Variants in CPXM2 observed in about 807,000 individuals in gnomAD.
CPXM2 encodes the protein inactive carboxypeptidase-like protein X2.
CPXM2 carries 66 observed loss-of-function variants against 86.1 expected under a neutral mutation model. The ratio of observed to expected loss-of-function variants is 0.77; its 90% confidence interval spans 0.63 to 0.94. The LOEUF (loss-of-function observed/expected upper bound fraction) is 0.94. CPXM2 is among the 40% of genes least tolerant of loss of function. The pLI is 0.00. For synonymous variants in CPXM2, 388 were observed against 400.2 expected (o/e 0.97, Z 0.36); for missense variants, 948 against 1,026.3 (o/e 0.92, Z 1.04).
chr10:123,787,374 C>G (rs1320784296), intron 6 of CPXM2, among the ~76,000 whole-genome samples: 2 of 152,150 alleles, frequency 1.3e-5, no homozygotes, highest in East Asian at 3.9e-4. Flanking sequence ...CAAGTGCCTG[C>G]TCACTACATG....
intron 1 of CPXM2, among the ~76,000 whole-genome samples, chr10:123,890,522 G>T (rs1261075263): frequency 1.3e-5 from 2 of 152,256 alleles, no homozygotes; most frequent in Non-Finnish European, 2.9e-5. Context: ...CGAGGCCAGA[G>T]AATTTGGCCA....
intron 2 of CPXM2, among the ~76,000 whole-genome samples, chr10:123,936,815 C>T (rs972990268): frequency 1.3e-5 from 2 of 152,186 alleles, no homozygotes; most frequent in African/African-American, 4.8e-5. Flanking sequence ...TGGCCTGCAC[C>T]CTCCTGCCTT....
In CPXM2 at chr10:123,794,295, T is replaced by A. The variant is rs544557394; in HGVS notation, c.889+3681A>T. Among the ~76,000 whole-genome samples the A allele has an allele frequency of 2.3e-4, 35 of 152,160 alleles. 1 individual carries two copies. Among genetic ancestry groups the A allele is most frequent in the Middle Eastern group, 3.4e-3 (1 of 294 alleles). ...AGACGAGGTGGAAAGAGTGACAACT[T>A]CCCCCAAAGACATCAAAGCCCCACA... is the stretch of plus-strand genomic sequence containing the variant. On this transcript the variant is annotated intron_variant, in intron 6 of 13. Transcript: ENST00000241305.
intron 6 of CPXM2, among the ~76,000 whole-genome samples, chr10:123,791,574 T>C (rs995211109): frequency 6.6e-6 from 1 of 152,230 alleles, no homozygotes; most frequent in Non-Finnish European, 1.5e-5. Flanking sequence ...CGACGTCACA[T>C]GGCATTCTCC....
chr10:123,924,722 G>C (rs1324035086), intron 2 of CPXM2, among the ~76,000 whole-genome samples: 1 of 152,100 alleles, frequency 6.6e-6, no homozygotes, highest in African/African-American at 2.4e-5. Context: ...AAAGTTCCAA[G>C]CCTCTAGTCC....
intron 6 of CPXM2, among the ~76,000 whole-genome samples, chr10:123,783,951 T>A (rs1846993276): frequency 6.6e-6 from 1 of 152,196 alleles, no homozygotes; most frequent in Non-Finnish European, 1.5e-5. Flanking sequence ...CCAACCTTAC[T>A]TCCTTATTAA....
Position 123,763,981 on chromosome 10 carries a change from C to G in CPXM2, c.1480-1812G>C, listed in dbSNP as rs146082152. 6.6e-5 allele frequency among the ~76,000 whole-genome samples: 10 copies of G among 152,314 alleles called. No homozygotes were observed. The East Asian group carries it at 1.5e-3, about 23-fold the overall frequency. On this transcript the variant is annotated intron_variant, in intron 10 of 13. Transcript: ENST00000241305. ...CTACTGTCCCATATTCCCTCCCACA[C>G]TGGGGGCTTTTTACTTTTGCCAAAC...
intron 2 of CPXM2, among the ~76,000 whole-genome samples, chr10:123,930,365 G>A (rs1161243268): frequency 6.6e-6 from 1 of 152,248 alleles, no homozygotes; most frequent in Non-Finnish European, 1.5e-5. Context: ...AAAACATACT[G>A]GGGTGTGCTG....
At chr10:123,805,213 A>G (rs1847553516) in intron 4 of CPXM2, among the ~76,000 whole-genome samples, 1 of 151,906 alleles carries the variant, frequency 6.6e-6, no homozygotes, top group South Asian at 2.1e-4. Context: ...AATATTATAA[A>G]TTATAAATTT....
intron 7 of CPXM2, among the ~76,000 whole-genome samples, chr10:123,773,501 T>C (rs543777748): frequency 2.6e-5 from 4 of 152,378 alleles, no homozygotes; most frequent in South Asian, 4.1e-4. Flanking sequence ...CTGCAGATCA[T>C]TGAGGAGACA....
chr10:123,921,498 G>A (rs1436813512), intron 2 of CPXM2, among the ~76,000 whole-genome samples: 1 of 152,210 alleles, frequency 6.6e-6, no homozygotes, highest in African/African-American at 2.4e-5. Flanking sequence ...GCCTCAAATG[G>A]CAGCAGCAGA....
chr10:123,926,989 A>ACCTGGGACAGGT (rs563989124), intron 2 of CPXM2, among the ~76,000 whole-genome samples: 169 of 152,274 alleles, frequency 1.1e-3, no homozygotes, highest in African/African-American at 3.8e-3. Context: ...TGCATCTCAG[A>ACCTGGGACAGGT]CCTGGGACAG....
At chr10:123,864,263 G>A (rs1268492840) in intron 2 of CPXM2, among the ~76,000 whole-genome samples, 1 of 151,750 alleles carries the variant, frequency 6.6e-6, no homozygotes, top group Non-Finnish European at 1.5e-5. Context: ...CTGAGAGAGA[G>A]ACCCCACCCA....
At position 123,858,517 on chromosome 10, in the gene CPXM2, G is replaced by A. The variant is rs77287275; in HGVS notation, c.513+4097C>T. Among the ~76,000 whole-genome samples, 921 of 152,324 alleles carry A rather than the reference G, an allele frequency of 6.0e-3. 7 individuals carry two copies. The highest frequency in any genetic ancestry group is 8.4e-3 in the Non-Finnish European group (573 of 68,024). On this transcript the variant is annotated intron_variant, in intron 3 of 13. Coordinates refer to ENST00000241305, the MANE Select transcript of CPXM2 (RefSeq NM_198148.3). ...AGGCAATTTTATGGCATCATTAGGA[G>A]CAACAACTCAAGGTTTAAAGCTGCC...
chr10:123,877,099 C>T (rs556800903), intron 2 of CPXM2, among the ~76,000 whole-genome samples: 1 of 152,302 alleles, frequency 6.6e-6, no homozygotes, highest in East Asian at 1.9e-4. Context: ...CCTCATCTGG[C>T]TGCAAACAAA....
chr10:123,795,372 A>G (rs1847310933), intron 6 of CPXM2, among the ~76,000 whole-genome samples: 3 of 152,118 alleles, frequency 2.0e-5, no homozygotes, highest in African/African-American at 7.2e-5. Flanking sequence ...CAGCACCCTC[A>G]TCCGCCCCCA....
intron 7 of CPXM2, among the ~76,000 whole-genome samples, chr10:123,771,472 A>G (rs955988723): frequency 1.5e-4 from 23 of 152,186 alleles, no homozygotes; most frequent in African/African-American, 4.8e-4. Flanking sequence ...CTGTTTGCCC[A>G]TCTGCCATGG....
At chr10:123,907,451 C>T (rs1030391920) in intron 2 of CPXM2, among the ~76,000 whole-genome samples, 4 of 152,194 alleles carry the variant, frequency 2.6e-5, no homozygotes, top group African/African-American at 9.6e-5. Context: ...GGGCGGGGCC[C>T]TCGCAGCGTC....
At chr10:123,870,242 C>T (rs934702821) in intron 2 of CPXM2, among the ~76,000 whole-genome samples, 3 of 152,142 alleles carry the variant, frequency 2.0e-5, no homozygotes, top group Admixed American at 6.5e-5. Flanking sequence ...ACACCACCTC[C>T]GTCTGACTTG....
Sources: allele counts gnomAD v4.1 joint callset (sites outside exome capture counted in the v4.1 genomes callset), GRCh38; gene constraint gnomAD v4.1.1; transcripts MANE v1.5; gene names NCBI Gene and HGNC (gene_info 2026-07-23, HGNC 2026-07-21).